CALN1: variants seen among roughly 807,000 people sequenced by gnomAD.
CALN1 encodes calcium-binding protein 8.
In CALN1, 17 loss-of-function variants were observed where a neutral mutation model predicts 30.6. The ratio of observed to expected loss-of-function variants is 0.56; its 90% CI spans 0.38 to 0.83. The LOEUF is 0.83. Ranked by LOEUF, CALN1 falls within the 40% of genes least tolerant of loss-of-function variation. CALN1 has a pLI of 0.00. For missense variants in CALN1, 291 were observed against 354.9 expected, an observed-to-expected ratio of 0.82 and a Z score of 1.45; for synonymous variants, 156 against 131.4, an observed-to-expected ratio of 1.19 and a Z score of -1.28.
intron 2 of CALN1, among the ~76,000 whole-genome samples, chr7:72,364,983 A>C (rs1028533819): frequency 9.2e-5 from 14 of 151,658 alleles, no homozygotes; most frequent in African/African-American, 3.4e-4. Context: ...CAGCTTGGCC[A>C]ACATGGTGAA....
chr7:71,964,085 T>A (rs1175893718), intron 5 of CALN1, among the ~76,000 whole-genome samples: 1 of 152,260 alleles, frequency 6.6e-6, no homozygotes, highest in Admixed American at 6.5e-5. Context: ...CTGCTATGTA[T>A]GTACATCTGA....
intron 2 of CALN1, among the ~76,000 whole-genome samples, chr7:72,295,802 T>C (rs1050645463): frequency 1.3e-5 from 2 of 151,798 alleles, no homozygotes; most frequent in African/African-American, 4.8e-5. Flanking sequence ...AATCATGTCG[T>C]CTGCAAAGAG....
Position 71,788,145 on chromosome 7 carries a change from T to G in CALN1, c.659-243A>C, listed in dbSNP as rs924248933. Among the ~76,000 whole-genome samples, 3 of 152,164 alleles carry G rather than the reference T, an allele frequency of 2.0e-5. No individual in the cohort carries two copies. In the South Asian group the frequency reaches 6.2e-4, roughly 32 times the overall value. On this transcript the variant is annotated intron_variant, in intron 6 of 6. Transcript: ENST00000395275. ...GAGAAAACTTCTATAACAAGAATCA[T>G]GATGGATGTGATGATCAGAGTAAGG... is the stretch of plus-strand genomic sequence containing the variant.
chr7:72,467,193 A>C, the CALN1 span, among the ~76,000 whole-genome samples: 1 of 152,176 alleles, frequency 6.6e-6, no homozygotes, highest in African/African-American at 2.4e-5. Flanking sequence ...GAGAGCTCTC[A>C]GGCCCTCTCA....
At chr7:72,466,856 AAGAG>A in the CALN1 span, among the ~76,000 whole-genome samples, 19 of 74,498 alleles carry the variant, frequency 2.6e-4, no homozygotes, top group Admixed American at 1.7e-3. Flanking sequence ...GAAAGAAAGA[AAGAG>A]AAAGAAAAAG....
chr7:72,028,138 T>A (rs1301948020), intron 4 of CALN1, among the ~76,000 whole-genome samples: 3 of 146,898 alleles, frequency 2.0e-5, no homozygotes, highest in African/African-American at 7.4e-5. Context: ...GACCGTGATA[T>A]AATGGGCACC....
intron 5 of CALN1, among the ~76,000 whole-genome samples, chr7:71,839,373 A>T (rs1789803283): frequency 6.6e-6 from 1 of 152,096 alleles, no homozygotes; most frequent in African/African-American, 2.4e-5. Flanking sequence ...CTCTACTATA[A>T]ATACAAAAAG....
chr7:71,834,123 G>A (rs1232188734), intron 5 of CALN1, among the ~76,000 whole-genome samples: 5 of 149,292 alleles, frequency 3.3e-5, no homozygotes, highest in Middle Eastern at 3.5e-3. Flanking sequence ...TCGGGAGGCC[G>A]AGGCAGGAGA....
At chr7:72,104,149 G>T in intron 4 of CALN1, 1 of 153,612 alleles carries the variant, frequency 6.5e-6, no homozygotes, top group South Asian at 1.8e-4. Context: ...TGGCCCACAG[G>T]GAACACCTCA....
At chr7:72,006,101 G>T (rs992251964) in intron 5 of CALN1, among the ~76,000 whole-genome samples, 2 of 152,156 alleles carry the variant, frequency 1.3e-5, no homozygotes, top group African/African-American at 4.8e-5. Flanking sequence ...TCCTACAACT[G>T]CATGTGAGTC....
intron 4 of CALN1, among the ~76,000 whole-genome samples, chr7:72,097,309 A>G (rs1806304085): frequency 2.0e-5 from 3 of 152,212 alleles, no homozygotes; most frequent in Admixed American, 2.0e-4. Flanking sequence ...AAAGTGTAAA[A>G]AAAAGAACAC....
At chr7:72,162,827 G>T (rs570509072) in intron 3 of CALN1, among the ~76,000 whole-genome samples, 2 of 152,340 alleles carry the variant, frequency 1.3e-5, no homozygotes, top group African/African-American at 4.8e-5. Flanking sequence ...GAGCCATGAG[G>T]TGGTTAGAAC....
intron 5 of CALN1, among the ~76,000 whole-genome samples, chr7:71,812,720 T>C (rs927032524): frequency 1.3e-5 from 2 of 152,044 alleles, no homozygotes; most frequent in African/African-American, 4.8e-5. Flanking sequence ...TATCCACACA[T>C]TTCTCAAAGC....
rs558923401 is a variant in CALN1, at chr7:72,234,338, C to T, written c.244+44348G>A. Reference sequence around the variant, plus strand: ...CCTCCAGCCAGCAAAGTACCTCCCACAGTCTAGCACATATGAGGCCATTAG... The same window carrying T: ...CCTCCAGCCAGCAAAGTACCTCCCATAGTCTAGCACATATGAGGCCATTAG... On this transcript the variant is annotated intron_variant, in intron 3 of 6. Coordinates refer to ENST00000395275, the MANE Select transcript of CALN1 (RefSeq NM_031468.4). Among the ~76,000 whole-genome samples the T allele has an allele frequency of 2.5e-3, 378 of 152,340 alleles. 1 individual carries two copies. Among genetic ancestry groups the T allele is most frequent in the Non-Finnish European group, 4.1e-3 (278 of 68,034 alleles).
chr7:71,803,980 G>A (rs1209633233), intron 6 of CALN1, among the ~76,000 whole-genome samples: 2 of 151,912 alleles, frequency 1.3e-5, no homozygotes, highest in East Asian at 3.9e-4. Context: ...GTGCGTGCAT[G>A]TGTCTGTTGT....
At position 71,794,547 on chromosome 7, in the gene CALN1, T is replaced by C. The variant is rs1030207474; in HGVS notation, c.659-6645A>G. 3.3e-5 allele frequency among the ~76,000 whole-genome samples: 5 copies of C among 152,320 alleles called. 1 individual carries two copies. The highest frequency in any genetic ancestry group is 2.6e-4 in the Admixed American group (4 of 15,294). Reference sequence around the variant, plus strand: ...AGGAACTTCTGCGAGCGTCAGTTTCTCTCTCTGTAAAAGGAGCTAATAATT... The same window carrying C: ...AGGAACTTCTGCGAGCGTCAGTTTCCCTCTCTGTAAAAGGAGCTAATAATT... On this transcript the variant is annotated intron_variant, in intron 6 of 6. Transcript: ENST00000395275.
At chr7:72,143,809 G>A (rs576842983) in intron 3 of CALN1, among the ~76,000 whole-genome samples, 1 of 152,268 alleles carries the variant, frequency 6.6e-6, no homozygotes, top group African/African-American at 2.4e-5. Flanking sequence ...GAAGAGAGTG[G>A]GGACCAATAT....
chr7:72,402,269 G>A (rs6946380), intron 2 of CALN1, among the ~76,000 whole-genome samples: 44,262 of 152,092 alleles, frequency 0.29, 7,033 homozygotes, highest in East Asian at 0.37. Context: ...GAGTCTTGTA[G>A]CATCCTGTTC....
chr7:72,446,224 C>T (rs1250007057), intron 1 of CALN1, among the ~76,000 whole-genome samples: 1 of 152,178 alleles, frequency 6.6e-6, no homozygotes, highest in Non-Finnish European at 1.5e-5. Context: ...CCAGAAGTCA[C>T]CCCGTGAGGG....
Sources: allele counts gnomAD v4.1 joint callset (sites outside exome capture counted in the v4.1 genomes callset), GRCh38; gene constraint gnomAD v4.1.1; transcripts MANE v1.5; gene names NCBI Gene and HGNC (gene_info 2026-07-23, HGNC 2026-07-21).